NKAIN3: variants seen among roughly 807,000 people sequenced by gnomAD.
The protein encoded by NKAIN3 is sodium/potassium transporting ATPase interacting 3.
Under a neutral mutation model 30.2 loss-of-function variants are expected in NKAIN3, and 25 were observed. The ratio of observed to expected loss-of-function variants is 0.83; its 90% CI spans 0.60 to 1.16. The LOEUF (loss-of-function observed/expected upper bound fraction) is 1.16. NKAIN3 is among the 50% of genes most tolerant of loss of function. The pLI, the probability that NKAIN3 is intolerant of heterozygous loss-of-function variation, is 0.00. For synonymous variants in NKAIN3, 91 were observed against 89.6 expected, an observed-to-expected ratio of 1.02 and a Z score of -0.09; for missense variants, 225 against 254.1, an observed-to-expected ratio of 0.89 and a Z score of 0.78.
At chr8:62,616,802 C>T (rs1462578275) in intron 3 of NKAIN3, among the ~76,000 whole-genome samples, 22 of 152,228 alleles carry the variant, frequency 1.4e-4, no homozygotes, top group Middle Eastern at 6.8e-3. Flanking sequence ...TCCAACCTCA[C>T]GGTCCTCAAA....
chr8:62,475,925 G>T (rs138912375), intron 1 of NKAIN3, among the ~76,000 whole-genome samples: 1 of 152,110 alleles, frequency 6.6e-6, no homozygotes, highest in Non-Finnish European at 1.5e-5. Flanking sequence ...TTGAACTTGG[G>T]CAAGTTACTC....
chr8:62,256,431 C>T (rs1448148522), intron 1 of NKAIN3, among the ~76,000 whole-genome samples: 2 of 150,952 alleles, frequency 1.3e-5, no homozygotes, highest in Non-Finnish European at 2.9e-5. Context: ...AATAAATAAA[C>T]AAACAAACAA....
chr8:62,776,481 G>T (rs1468481248), intron 4 of NKAIN3, among the ~76,000 whole-genome samples: 6 of 151,974 alleles, frequency 3.9e-5, no homozygotes, highest in Admixed American at 3.3e-4. Context: ...AATGAGGCTT[G>T]CAAATAATAT....
At chr8:62,318,780 TG>T (rs1363608528) in intron 1 of NKAIN3, among the ~76,000 whole-genome samples, 43 of 152,324 alleles carry the variant, frequency 2.8e-4, no homozygotes, top group African/African-American at 1.0e-3. Context: ...TCAGGGATGT[TG>T]GTCTAAAATT....
Position 62,866,083 on chromosome 8 carries a change from A to G in NKAIN3, c.472-52370A>G, listed in dbSNP as rs1419070137. On this transcript the variant is annotated intron_variant, in intron 4 of 6. Transcript: ENST00000623646. ...TTAGCAGTCCCATTTGTATTTTTGCATATTTTTAAAAGTATTTTTAAAGAA... is the reference window on the plus strand; with the variant it reads ...TTAGCAGTCCCATTTGTATTTTTGCGTATTTTTAAAAGTATTTTTAAAGAA... Among the ~76,000 whole-genome samples the G allele has an allele frequency of 9.2e-5, 14 of 152,334 alleles. No homozygotes were observed. In the South Asian group the frequency reaches 2.7e-3, roughly 29 times the overall value.
At chr8:62,319,218 C>T (rs1186055917) in intron 1 of NKAIN3, among the ~76,000 whole-genome samples, 1 of 151,970 alleles carries the variant, frequency 6.6e-6, no homozygotes, top group Non-Finnish European at 1.5e-5. Context: ...TTTTATTCTT[C>T]TCTTTTCTTC....
At chr8:62,349,826 C>G (rs1816126661) in intron 1 of NKAIN3, among the ~76,000 whole-genome samples, 1 of 152,134 alleles carries the variant, frequency 6.6e-6, no homozygotes, top group African/African-American at 2.4e-5. Context: ...CAGACCTTCT[C>G]CAGGTGAAGC....
chr8:62,693,955 A>G (rs367804984), intron 3 of NKAIN3, among the ~76,000 whole-genome samples: 2 of 152,168 alleles, frequency 1.3e-5, no homozygotes, highest in South Asian at 4.1e-4. Context: ...TTGAATTCAT[A>G]TTTTTATTGA....
At chr8:62,623,639 T>C (rs1811691895) in intron 3 of NKAIN3, among the ~76,000 whole-genome samples, 1 of 152,142 alleles carries the variant, frequency 6.6e-6, no homozygotes, top group African/African-American at 2.4e-5. Flanking sequence ...TCCTTCTTTC[T>C]AAAGAACTAC....
chr8:62,717,188 A>G (rs922857666), intron 3 of NKAIN3, among the ~76,000 whole-genome samples: 2 of 152,228 alleles, frequency 1.3e-5, no homozygotes, highest in Non-Finnish European at 2.9e-5. Context: ...CAATTCAGTA[A>G]GTAATCATGT....
At chr8:62,950,144 T>A (rs1022592749) in intron 5 of NKAIN3, among the ~76,000 whole-genome samples, 1 of 152,212 alleles carries the variant, frequency 6.6e-6, no homozygotes, top group Non-Finnish European at 1.5e-5. Flanking sequence ...TCTTTCCTAA[T>A]GAGTTATTTT....
At chr8:62,530,264 T>C (rs915706299) in intron 1 of NKAIN3, among the ~76,000 whole-genome samples, 4 of 151,910 alleles carry the variant, frequency 2.6e-5, no homozygotes, top group Non-Finnish European at 5.9e-5. Context: ...TTTAGCAAGA[T>C]GATGTAATAA....
At chr8:62,908,181 C>T (rs1450106681) in intron 4 of NKAIN3, among the ~76,000 whole-genome samples, 2 of 152,188 alleles carry the variant, frequency 1.3e-5, no homozygotes, top group Non-Finnish European at 2.9e-5. Flanking sequence ...TTTTGGACTT[C>T]CAAGGGGCCT....
chr8:62,808,663 G>A (rs1818383622), intron 4 of NKAIN3, among the ~76,000 whole-genome samples: 1 of 152,204 alleles, frequency 6.6e-6, no homozygotes, highest in South Asian at 2.1e-4. Context: ...ATTTTCAAAG[G>A]GGAGGGAGTG....
At chr8:62,408,157 T>C (rs1461799867) in intron 1 of NKAIN3, among the ~76,000 whole-genome samples, 2 of 152,342 alleles carry the variant, frequency 1.3e-5, no homozygotes, top group East Asian at 3.9e-4. Context: ...TTTCCTTTTA[T>C]GTAATAAACT....
chr8:62,582,740 G>A (rs577054392), intron 2 of NKAIN3, among the ~76,000 whole-genome samples: 35 of 152,312 alleles, frequency 2.3e-4, no homozygotes, highest in African/African-American at 7.0e-4. Flanking sequence ...AATGTCAGAG[G>A]CCCTGCTCTG....
chr8:62,326,835 C>G (rs1815155711), intron 1 of NKAIN3, among the ~76,000 whole-genome samples: 1 of 151,906 alleles, frequency 6.6e-6, no homozygotes, highest in Non-Finnish European at 1.5e-5. Flanking sequence ...ATTGCTGGGT[C>G]ATATGGTAAT....
At chr8:62,703,360 A>T (rs2130473362) in intron 3 of NKAIN3, among the ~76,000 whole-genome samples, 1 of 152,236 alleles carries the variant, frequency 6.6e-6, no homozygotes, top group Non-Finnish European at 1.5e-5. Context: ...TCAACAGAAC[A>T]TTTTAGCAAG....
intron 1 of NKAIN3, among the ~76,000 whole-genome samples, chr8:62,253,937 T>G (rs1024956827): frequency 5.3e-5 from 8 of 152,226 alleles, no homozygotes; most frequent in African/African-American, 1.9e-4. Flanking sequence ...GCACTATAAT[T>G]ATTAATCATT....
Sources: allele counts gnomAD v4.1 joint callset (sites outside exome capture counted in the v4.1 genomes callset), GRCh38; gene constraint gnomAD v4.1.1; transcripts MANE v1.5; gene names NCBI Gene and HGNC (gene_info 2026-07-23, HGNC 2026-07-21).